The following KHDRBS2 variants were observed in gnomAD, a reference collection of about 807,000 sequenced individuals.
KHDRBS2 encodes KH RNA binding domain containing, signal transduction associated 2, also known as KH domain-containing, RNA-binding, signal transduction-associated protein 2.
A neutral mutation model predicts 44.3 loss-of-function variants in KHDRBS2; 26 were observed. That is an observed-to-expected ratio of 0.59 (90% CI 0.43 to 0.81). The LOEUF (loss-of-function observed/expected upper bound fraction) is 0.81. Among genes scored for constraint, KHDRBS2 ranks in the 40% least tolerant of loss-of-function variants. The probability of loss-of-function intolerance (pLI) is 0.00; values close to 1 mark genes in which losing one functional copy is unlikely to be tolerated. For synonymous variants in KHDRBS2, 194 were observed against 151.1 expected (o/e 1.28, Z -2.08); for missense variants, 476 against 433.1 (o/e 1.10, Z -0.88).
the KHDRBS2 span, among the ~76,000 whole-genome samples, chr6:61,579,879 G>A: frequency 8.8e-6 from 1 of 114,210 alleles, no homozygotes; most frequent in African/African-American, 3.5e-5. Flanking sequence ...CCAACATGGA[G>A]AAACCCCGTC....
intron 2 of KHDRBS2, among the ~76,000 whole-genome samples, chr6:62,147,070 A>T (rs576289307): frequency 6.6e-6 from 1 of 152,074 alleles, no homozygotes; most frequent in African/African-American, 2.4e-5. Context: ...TAGTCACATG[A>T]CTATATGCAC....
chr6:61,880,882 T>A (rs1441965361), intron 6 of KHDRBS2, among the ~76,000 whole-genome samples: 2 of 151,956 alleles, frequency 1.3e-5, no homozygotes, highest in Non-Finnish European at 2.9e-5. Context: ...AAGAAACTAC[T>A]CTGATAAATA....
chr6:62,239,399 C>G (rs1374735988), intron 1 of KHDRBS2, among the ~76,000 whole-genome samples: 2 of 151,974 alleles, frequency 1.3e-5, no homozygotes, highest in Non-Finnish European at 2.9e-5. Flanking sequence ...ATGGTGAAAC[C>G]CTGTCTCTGC....
chr6:61,989,030 C>T (rs772286862), intron 3 of KHDRBS2, among the ~76,000 whole-genome samples: 1 of 152,138 alleles, frequency 6.6e-6, no homozygotes, highest in African/African-American at 2.4e-5. Context: ...ACATGATTTA[C>T]CATGTACAGA....
intron 2 of KHDRBS2, among the ~76,000 whole-genome samples, chr6:62,105,873 G>A (rs1803121682): frequency 2.0e-5 from 3 of 152,134 alleles, no homozygotes; most frequent in South Asian, 2.1e-4. Flanking sequence ...TGATGTTAAG[G>A]TGTCAATTTT....
At chr6:61,604,404 C>T in the KHDRBS2 span, among the ~76,000 whole-genome samples, 1 of 152,208 alleles carries the variant, frequency 6.6e-6, no homozygotes, top group Admixed American at 6.5e-5. Flanking sequence ...CATCTGGTCA[C>T]TCCCACCTAC....
chr6:61,965,430 G>A (rs1438892084), intron 4 of KHDRBS2, among the ~76,000 whole-genome samples: 3 of 152,010 alleles, frequency 2.0e-5, no homozygotes, highest in East Asian at 1.9e-4. Flanking sequence ...AGTTGGGTTT[G>A]GAGAAACGTG....
intron 6 of KHDRBS2, among the ~76,000 whole-genome samples, chr6:61,741,981 A>G (rs569219540): frequency 8.5e-5 from 13 of 152,122 alleles, no homozygotes; most frequent in African/African-American, 3.1e-4. Context: ...AAATACATAA[A>G]TTAAGGGAAA....
the KHDRBS2 span, among the ~76,000 whole-genome samples, chr6:61,601,587 T>C: frequency 3.2e-4 from 48 of 152,094 alleles, no homozygotes; most frequent in African/African-American, 1.1e-3. Flanking sequence ...ATTTTACACA[T>C]CGGTACCTCC....
At chr6:62,220,157 A>AG (rs1830663685) in intron 1 of KHDRBS2, among the ~76,000 whole-genome samples, 1 of 151,696 alleles carries the variant, frequency 6.6e-6, no homozygotes, top group Admixed American at 6.6e-5. Flanking sequence ...TCCAAAAAAA[A>AG]GTACAATCTA....
the KHDRBS2 span, among the ~76,000 whole-genome samples, chr6:61,624,318 C>G: frequency 1.3e-5 from 2 of 152,190 alleles, no homozygotes; most frequent in Non-Finnish European, 2.9e-5. Flanking sequence ...TTAACCAAGG[C>G]TTATCCAGCT....
intron 3 of KHDRBS2, among the ~76,000 whole-genome samples, chr6:61,980,315 C>A (rs1328574101): frequency 6.6e-6 from 1 of 152,036 alleles, no homozygotes; most frequent in East Asian, 1.9e-4. Context: ...TAATGTGGAA[C>A]ACATATTCCT....
At position 61,894,668 on chromosome 6, in the gene KHDRBS2, A is replaced by G. The variant is rs1802580521; in HGVS notation, c.777T>C (p.Pro259=). ...GAPTVPGYRA[P]PPPAHEAYEE... ...CATAAGCTTCATGGGCTGGAGGAGG[A>G]GGTGCCCTGTATCCTGGCACTGTTG... The change falls in exon 6 of 9, where the codon CCT becomes CCC. Residue 259 remains proline, a synonymous_variant. Transcript: ENST00000281156. The G allele has an allele frequency of 6.2e-7, 1 of 1,612,868 alleles. No individual in the cohort carries two copies. The highest frequency in any genetic ancestry group is 2.2e-5 in the East Asian group (1 of 44,850).
intron 8 of KHDRBS2, among the ~76,000 whole-genome samples, chr6:61,687,989 C>A (rs1211143375): frequency 6.6e-6 from 1 of 151,596 alleles, no homozygotes; most frequent in Non-Finnish European, 1.5e-5. Context: ...AGTTCTAGTC[C>A]CTGTCCTATA....
intron 7 of KHDRBS2, among the ~76,000 whole-genome samples, chr6:61,723,212 C>A (rs1209658586): frequency 1.3e-5 from 2 of 151,248 alleles, no homozygotes; most frequent in Non-Finnish European, 2.9e-5. Context: ...CAAAAAGAAC[C>A]CACAAAAACC....
chr6:61,812,631 CTG>C (rs1262157644), intron 6 of KHDRBS2, among the ~76,000 whole-genome samples: 1 of 151,998 alleles, frequency 6.6e-6, no homozygotes, highest in Non-Finnish European at 1.5e-5. Flanking sequence ...ATTAAGGAAA[CTG>C]TAACATCAGA....
intron 3 of KHDRBS2, among the ~76,000 whole-genome samples, chr6:62,024,391 G>T (rs1227353601): frequency 6.6e-6 from 1 of 151,298 alleles, no homozygotes; most frequent in Admixed American, 6.6e-5. Flanking sequence ...CCATTCTATT[G>T]TCAGGCATGT....
chr6:61,985,696 A>G (rs1432183860), intron 3 of KHDRBS2, among the ~76,000 whole-genome samples: 1 of 152,176 alleles, frequency 6.6e-6, no homozygotes, highest in Non-Finnish European at 1.5e-5. Context: ...TGCAAGTCCA[A>G]TAAACCAAAA....
chr6:61,597,954 CT>C, the KHDRBS2 span, among the ~76,000 whole-genome samples: 4 of 146,036 alleles, frequency 2.7e-5, no homozygotes, highest in African/African-American at 1.0e-4. Flanking sequence ...TTTAATTAAG[CT>C]GACTTTTGAC....
Sources: gnomAD v4.1 joint callset for allele counts (sites outside exome capture counted in the v4.1 genomes callset) on GRCh38, gnomAD v4.1.1 for gene constraint, MANE v1.5 for transcripts, NCBI Gene and HGNC (gene_info 2026-07-23, HGNC 2026-07-21) for gene names.